The following CADM2 variants were observed in gnomAD, a reference collection of about 807,000 sequenced individuals.
The protein encoded by CADM2 is cell adhesion molecule 2.
A neutral mutation model predicts 49.8 loss-of-function variants in CADM2; 12 were observed. The ratio of observed to expected loss-of-function variants is 0.24; its 90% CI spans 0.15 to 0.39. The LOEUF is 0.39. Among genes scored for constraint, CADM2 ranks in the 10% least tolerant of loss-of-function variants. The pLI, the probability that CADM2 is intolerant of heterozygous loss-of-function variation, is 1.00. For synonymous variants in CADM2, 214 were observed against 175.4 expected, an observed-to-expected ratio of 1.22 and a Z score of -1.74; for missense variants, 378 against 492.3, an observed-to-expected ratio of 0.77 and a Z score of 2.20.
intron 1 of CADM2, among the ~76,000 whole-genome samples, chr3:85,465,257 G>T (rs774915523): frequency 6.6e-6 from 1 of 152,108 alleles, no homozygotes; most frequent in Non-Finnish European, 1.5e-5. Flanking sequence ...AGATCTTGTC[G>T]CATAAGATGT....
intron 1 of CADM2, among the ~76,000 whole-genome samples, chr3:85,197,819 C>T (rs1017816357): frequency 6.6e-6 from 1 of 151,808 alleles, no homozygotes; most frequent in African/African-American, 2.4e-5. Flanking sequence ...CTTAGGAGTA[C>T]GTATATAATT....
chr3:85,294,559 C>G (rs937901923), intron 1 of CADM2, among the ~76,000 whole-genome samples: 2 of 151,956 alleles, frequency 1.3e-5, no homozygotes, highest in African/African-American at 2.4e-5. Context: ...GCTACAGTAC[C>G]CAAAACAGCA....
intron 1 of CADM2, among the ~76,000 whole-genome samples, chr3:85,446,668 T>G (rs1241731523): frequency 6.7e-6 from 1 of 148,746 alleles, no homozygotes; most frequent in Non-Finnish European, 1.5e-5. Flanking sequence ...AAGGGTGCTA[T>G]CTCAGCTCAC....
intron 3 of CADM2, among the ~76,000 whole-genome samples, chr3:85,882,692 G>C (rs1422422492): frequency 6.6e-6 from 1 of 152,142 alleles, no homozygotes; most frequent in Non-Finnish European, 1.5e-5. Context: ...TGAGTGTCTT[G>C]TGATAGAAAA....
chr3:85,771,612 C>T (rs1444716417), intron 2 of CADM2, among the ~76,000 whole-genome samples: 5 of 152,066 alleles, frequency 3.3e-5, no homozygotes, highest in South Asian at 2.1e-4. Context: ...AAAATGTATC[C>T]ATAGAAGCCG....
At chr3:85,428,521 C>G (rs1316808707) in intron 1 of CADM2, among the ~76,000 whole-genome samples, 1 of 143,102 alleles carries the variant, frequency 7.0e-6, no homozygotes, top group Non-Finnish European at 1.5e-5. Flanking sequence ...ATTAGTAAGG[C>G]ATATATATAC....
intron 1 of CADM2, among the ~76,000 whole-genome samples, chr3:85,071,318 C>G (rs551754994): frequency 2.0e-5 from 3 of 151,938 alleles, no homozygotes; most frequent in Admixed American, 2.0e-4. Context: ...AGATTTGCTT[C>G]AGGGATAGTT....
chr3:85,501,794 G>C (rs186333055), intron 1 of CADM2, among the ~76,000 whole-genome samples: 4 of 152,058 alleles, frequency 2.6e-5, no homozygotes, highest in African/African-American at 9.7e-5. Flanking sequence ...ATGAGAACAT[G>C]CTCTTGGGTT....
At chr3:85,137,271 G>A (rs1274925060) in intron 1 of CADM2, among the ~76,000 whole-genome samples, 1 of 151,776 alleles carries the variant, frequency 6.6e-6, no homozygotes, top group Non-Finnish European at 1.5e-5. Flanking sequence ...CAGTTATAAA[G>A]AAACTTTATT....
In CADM2 at chr3:85,636,381, T is replaced by G. The variant is rs372180998; in HGVS notation, c.62-90141T>G. Among the ~76,000 whole-genome samples the G allele has an allele frequency of 3.9e-5, 6 of 152,288 alleles. No homozygotes were observed. In the East Asian group the frequency reaches 7.7e-4, roughly 20 times the overall value. On this transcript the variant is annotated intron_variant, in intron 1 of 9. Transcript: ENST00000383699. ...AAAATGAAAAATTGAAAAAAGCTTA[T>G]AAAATAAGGATATAAAGAAAGAAAA...
At chr3:85,865,778 C>T (rs976675480) in intron 3 of CADM2, among the ~76,000 whole-genome samples, 8 of 152,172 alleles carry the variant, frequency 5.3e-5, no homozygotes, top group Non-Finnish European at 1.0e-4. Context: ...ACTACTTTTA[C>T]GGAACTTAAA....
chr3:85,187,604 G>C (rs558747460), intron 1 of CADM2, among the ~76,000 whole-genome samples: 14 of 151,962 alleles, frequency 9.2e-5, no homozygotes, highest in Non-Finnish European at 2.1e-4. Context: ...AAAGAGCCAA[G>C]GTAAATTGCA....
At chr3:85,582,014 C>A (rs2062814747) in intron 1 of CADM2, among the ~76,000 whole-genome samples, 1 of 152,034 alleles carries the variant, frequency 6.6e-6, no homozygotes, top group South Asian at 2.1e-4. Context: ...GCAACCTCCA[C>A]CTCCTGAGTT....
At chr3:85,699,706 C>T (rs1052147218) in intron 1 of CADM2, among the ~76,000 whole-genome samples, 2 of 152,188 alleles carry the variant, frequency 1.3e-5, no homozygotes. Flanking sequence ...AACCATTTTT[C>T]CCCCCTAGGC....
intron 1 of CADM2, among the ~76,000 whole-genome samples, chr3:85,619,687 C>A (rs1412306542): frequency 6.6e-6 from 1 of 152,226 alleles, no homozygotes; most frequent in South Asian, 2.1e-4. Flanking sequence ...TCATTCCTTG[C>A]CTCTCTCTTT....
chr3:85,568,747 C>T lies in CADM2; in HGVS notation c.62-157775C>T, dbSNP rs140679820. Among the ~76,000 whole-genome samples, 54 of 146,590 alleles carry T rather than the reference C, an allele frequency of 3.7e-4. No homozygotes were observed. In the East Asian group the frequency reaches 9.1e-3, roughly 25 times the overall value. ...CCTCCCGAGTAGCTAGGATTACAGGCGTGAGCCACCACACCAAACTAATTT... is the reference window on the plus strand; with the variant it reads ...CCTCCCGAGTAGCTAGGATTACAGGTGTGAGCCACCACACCAAACTAATTT... On this transcript the variant is annotated intron_variant, in intron 1 of 9. Coordinates refer to ENST00000383699, the MANE Select transcript of CADM2 (RefSeq NM_001167675.2).
chr3:85,438,087 G>C (rs890657957), intron 1 of CADM2, among the ~76,000 whole-genome samples: 1 of 151,840 alleles, frequency 6.6e-6, no homozygotes, highest in Admixed American at 6.6e-5. Flanking sequence ...AAAATAATGT[G>C]ATTGGAATAC....
At chr3:85,493,776 G>A (rs2039773462) in intron 1 of CADM2, among the ~76,000 whole-genome samples, 1 of 152,040 alleles carries the variant, frequency 6.6e-6, no homozygotes, top group Non-Finnish European at 1.5e-5. Flanking sequence ...TAAACATTTA[G>A]GTCTCTTGTC....
chr3:85,549,400 C>T (rs957903304), intron 1 of CADM2, among the ~76,000 whole-genome samples: 5 of 152,074 alleles, frequency 3.3e-5, no homozygotes, highest in East Asian at 3.9e-4. Flanking sequence ...AATTTTGAAC[C>T]GGTCTCATAT....
Sources: allele counts gnomAD v4.1 joint callset (sites outside exome capture counted in the v4.1 genomes callset), GRCh38; gene constraint gnomAD v4.1.1; transcripts MANE v1.5; gene names NCBI Gene and HGNC (gene_info 2026-07-23, HGNC 2026-07-21).